Variants in ILKAP observed in about 807,000 individuals in gnomAD.
ILKAP encodes the protein integrin-linked kinase-associated serine/threonine phosphatase 2C.
ILKAP carries 11 observed loss-of-function variants against 49.1 expected under a neutral mutation model. The observed-to-expected ratio is 0.22, with a 90% CI of 0.14 to 0.37. The LOEUF (loss-of-function observed/expected upper bound fraction) is 0.37, where lower values mean the gene tolerates loss of function less well. Ranked by LOEUF, ILKAP falls within the 10% of genes least tolerant of loss-of-function variation. The probability of loss-of-function intolerance (pLI) is 1.00; values close to 1 mark genes in which losing one functional copy is unlikely to be tolerated. For missense variants in ILKAP, 363 were observed against 510.8 expected, an observed-to-expected ratio of 0.71 and a Z score of 2.79; for synonymous variants, 186 against 192.8, an observed-to-expected ratio of 0.96 and a Z score of 0.29.
At chr2:238,190,227 T>C (rs1694066287) in intron 3 of ILKAP, among the ~76,000 whole-genome samples, 1 of 152,144 alleles carries the variant, frequency 6.6e-6, no homozygotes, top group Admixed American at 6.5e-5. Flanking sequence ...AAAAGACTTT[T>C]CCCAGTGGTA....
In ILKAP at chr2:238,194,288, G is replaced by A. The variant is rs770140018; in HGVS notation, c.165C>T (p.Ser55=). Residue 55 remains serine (S), a synonymous_variant, in exon 3 of 12, where the codon AGC becomes AGT. Coordinates refer to ENST00000254654, the MANE Select transcript of ILKAP (RefSeq NM_030768.3). The stretch of plus-strand genomic sequence containing the variant: ...CCTACCACTTACCTGAATCGCCACT[G>A]CTAGCGGGTGGGAGATCATCAAAAA... ...PLLFDDLPPA[S]SGDSGSLATS... 1.2e-6 allele frequency: 2 copies of A among 1,613,974 alleles called. No homozygotes were observed. The highest frequency in any genetic ancestry group is 2.2e-5 in the East Asian group (1 of 44,874).
intron 9 of ILKAP, among the ~76,000 whole-genome samples, chr2:238,179,208 AC>A (rs1693589862): frequency 6.6e-6 from 1 of 152,102 alleles, no homozygotes; most frequent in African/African-American, 2.4e-5. Context: ...GCAGCAGAAA[AC>A]CCCATGACTG....
intron 4 of ILKAP, among the ~76,000 whole-genome samples, chr2:238,189,005 G>C (rs1315533075): frequency 2.6e-5 from 4 of 152,164 alleles, no homozygotes; most frequent in Admixed American, 2.6e-4. Flanking sequence ...TGTGACAAAG[G>C]ACAATGCAGT....
chr2:238,201,669 T>C (rs1694574798), intron 1 of ILKAP, among the ~76,000 whole-genome samples: 1 of 152,254 alleles, frequency 6.6e-6, no homozygotes, highest in Admixed American at 6.5e-5. Flanking sequence ...CAAGGGAGCC[T>C]GCTCCTGAGC....
chr2:238,181,261 T>C (rs1693680240), intron 9 of ILKAP, among the ~76,000 whole-genome samples: 1 of 151,830 alleles, frequency 6.6e-6, no homozygotes, highest in African/African-American at 2.4e-5. Context: ...CTCTTATCTC[T>C]GGCAGAAAAT....
At position 238,189,432 on chromosome 2, in the gene ILKAP, G is replaced by C. The variant is rs1286518413; in HGVS notation, c.298+421C>G. On this transcript the variant is annotated intron_variant, in intron 4 of 11. Coordinates refer to ENST00000254654, the MANE Select transcript of ILKAP (RefSeq NM_030768.3). ...ACTAACTTTGACAAGTTACACAACTGACTACAAATTTCAACGGCTTTTTCC... is the reference window on the plus strand; with the variant it reads ...ACTAACTTTGACAAGTTACACAACTCACTACAAATTTCAACGGCTTTTTCC... Among the ~76,000 whole-genome samples, 3 of 152,182 alleles carry C rather than the reference G, an allele frequency of 2.0e-5. No homozygotes were observed. The East Asian group carries it at 5.8e-4, about 29-fold the overall frequency.
rs373340276 is a variant in ILKAP, at chr2:238,181,575, A to G, written c.836+490T>C. Among the ~76,000 whole-genome samples, 45 of 151,812 alleles carry G rather than the reference A, an allele frequency of 3.0e-4. No individual in the cohort carries two copies. In the South Asian group the frequency reaches 8.5e-3, roughly 29 times the overall value. Reference sequence around the variant, plus strand: ...TTCAGATTTTCTCTCTGGAGAATTCACCTAAAACTGTAACTTATTCAATGT... The same window carrying G: ...TTCAGATTTTCTCTCTGGAGAATTCGCCTAAAACTGTAACTTATTCAATGT... On this transcript the variant is annotated intron_variant, in intron 9 of 11. Coordinates refer to ENST00000254654, the MANE Select transcript of ILKAP (RefSeq NM_030768.3).
In ILKAP at chr2:238,175,663, T is replaced by C. The variant is rs1441278266; in HGVS notation, c.837-2010A>G. On this transcript the variant is annotated intron_variant, in intron 9 of 11. Transcript: ENST00000254654. ...GGGTAAATCCATGCCACCTCTGTTC[T>C]GGAAACTTTGGTACAAGTTCAAAAG... Among the ~76,000 whole-genome samples, 3 of 152,218 alleles carry C rather than the reference T, an allele frequency of 2.0e-5. No homozygotes were observed. In the East Asian group the frequency reaches 5.8e-4, roughly 29 times the overall value.
intron 9 of ILKAP, among the ~76,000 whole-genome samples, chr2:238,180,236 C>G (rs1479820758): frequency 1.3e-5 from 2 of 151,758 alleles, no homozygotes; most frequent in East Asian, 1.9e-4. Flanking sequence ...GACATGGATG[C>G]TGACTAGACC....
Position 238,188,245 on chromosome 2 carries a change from A to G in ILKAP, c.311T>C (p.Ile104Thr), listed in dbSNP as rs1218623613. The change falls in exon 5 of 12, where the codon ATC becomes ACC. Residue 104 changes from isoleucine (I) to threonine (T), a missense_variant. Ile to Thr is a moderately conservative substitution (Grantham distance 89). Transcript: ENST00000254654. The stretch of plus-strand genomic sequence containing the variant: ...AGCCACATAGCCCTTCAGACCAAAG[A>G]TCACCGAAGAGGCTAAGGAAAAGAG... ...EKKVCKASSVIFGLKGYVAER... is the reference protein window; with the variant it reads ...EKKVCKASSVTFGLKGYVAER... 6.8e-6 allele frequency: 11 copies of G among 1,613,748 alleles called. No homozygotes were observed. In the South Asian group the frequency reaches 1.2e-4, roughly 18 times the overall value.
chr2:238,190,951 A>C (rs1290259283), intron 3 of ILKAP, among the ~76,000 whole-genome samples: 1 of 147,526 alleles, frequency 6.8e-6, no homozygotes, highest in Non-Finnish European at 1.5e-5. Flanking sequence ...TTTGCCAGAC[A>C]TTTCTTCTTC....
chr2:238,183,503 G>C (rs1693779621), intron 8 of ILKAP, 150 bp downstream of exon 8: 1 of 615,200 alleles, frequency 1.6e-6, no homozygotes, highest in South Asian at 2.0e-5. Flanking sequence ...TTACCCAGAA[G>C]TTAAACTGCA....
chr2:238,195,998 T>TG (rs34807814), intron 1 of ILKAP, among the ~76,000 whole-genome samples: 49,158 of 138,198 alleles, frequency 0.36, 9,198 homozygotes, highest in African/African-American at 0.51. Flanking sequence ...GAGCCATGAT[T>TG]GGGCCACTGC....
chr2:238,174,430 G>C (rs1420655258), intron 9 of ILKAP, among the ~76,000 whole-genome samples: 1 of 152,212 alleles, frequency 6.6e-6, no homozygotes, highest in Non-Finnish European at 1.5e-5. Flanking sequence ...GTTTGTAAAG[G>C]CAAGGCAGAG....
intron 4 of ILKAP, among the ~76,000 whole-genome samples, chr2:238,189,233 TGAACCCGGGAGGCGGA>T (rs1362928956): frequency 6.6e-6 from 1 of 151,988 alleles, no homozygotes; most frequent in Non-Finnish European, 1.5e-5. Flanking sequence ...TAGAATGGTA[TGAACCCGGGAGGCGGA>T]GCTTGCAGTG....
chr2:238,181,962 T>C, intron 9 of ILKAP, 103 bp downstream of exon 9: 3 of 1,254,474 alleles, frequency 2.4e-6, no homozygotes, highest in Non-Finnish European at 3.4e-6. Context: ...CTCGTCACAC[T>C]GAAGACTACG....
chr2:238,195,651 T>C (rs1295807431), intron 1 of ILKAP, among the ~76,000 whole-genome samples: 1 of 152,174 alleles, frequency 6.6e-6, no homozygotes, highest in Non-Finnish European at 1.5e-5. Flanking sequence ...AGAATCCAAG[T>C]TGAAAGTATA....
chr2:238,193,097 A>G (rs1177090231), intron 3 of ILKAP, among the ~76,000 whole-genome samples: 1 of 152,232 alleles, frequency 6.6e-6, no homozygotes, highest in African/African-American at 2.4e-5. Flanking sequence ...GCTTGTTAAT[A>G]GTGTTATGTA....
At chr2:238,190,135 G>C (rs1694062144) in intron 3 of ILKAP, among the ~76,000 whole-genome samples, 163 bp from the exon 4 acceptor site, 1 of 152,236 alleles carries the variant, frequency 6.6e-6, no homozygotes, top group East Asian at 1.9e-4. Context: ...TTGGCGGGGA[G>C]GGGGAGGGGG....
Sources: allele counts gnomAD v4.1 joint callset (sites outside exome capture counted in the v4.1 genomes callset), GRCh38; gene constraint gnomAD v4.1.1; transcripts MANE v1.5; gene names NCBI Gene and HGNC (gene_info 2026-07-23, HGNC 2026-07-21).